ADCY2: variants seen among roughly 807,000 people sequenced by gnomAD.
The protein encoded by ADCY2 is adenylate cyclase type 2.
Under a neutral mutation model 125.2 loss-of-function variants are expected in ADCY2, and 31 were observed. The ratio of observed to expected loss-of-function variants is 0.25; its 90% CI spans 0.19 to 0.33. The LOEUF (loss-of-function observed/expected upper bound fraction) is 0.33. ADCY2 is among the 10% of genes least tolerant of loss of function. The pLI is 1.00. For synonymous variants in ADCY2, 512 were observed against 548.4 expected (o/e 0.93, Z 0.93); for missense variants, 904 against 1,418.2 (o/e 0.64, Z 5.82).
intron 2 of ADCY2, among the ~76,000 whole-genome samples, chr5:7,428,256 C>T (rs1023996058): frequency 3.3e-5 from 5 of 152,180 alleles, no homozygotes; most frequent in African/African-American, 1.2e-4. Context: ...CTCCAGCCAT[C>T]TGAAACACAG....
intron 4 of ADCY2, among the ~76,000 whole-genome samples, chr5:7,681,800 C>T (rs565918783): frequency 6.6e-6 from 1 of 152,122 alleles, no homozygotes; most frequent in Non-Finnish European, 1.5e-5. Context: ...AAAGGGGGGC[C>T]ATTGTCCCCA....
chr5:7,420,751 A>G (rs1740170919), intron 2 of ADCY2, among the ~76,000 whole-genome samples: 1 of 152,160 alleles, frequency 6.6e-6, no homozygotes. Context: ...CAGCATTTGC[A>G]TTTGACAGGG....
chr5:7,536,898 A>G (rs1160513571), intron 3 of ADCY2, among the ~76,000 whole-genome samples: 1 of 152,174 alleles, frequency 6.6e-6, no homozygotes, highest in Non-Finnish European at 1.5e-5. Context: ...GGGTGCAGGA[A>G]TAGTTTTTTT....
chr5:7,455,740 A>C (rs1741645413), intron 2 of ADCY2, among the ~76,000 whole-genome samples: 1 of 147,252 alleles, frequency 6.8e-6, no homozygotes, highest in Non-Finnish European at 1.5e-5. Context: ...TATGATATAC[A>C]GTATGTGTTA....
chr5:7,822,310 C>T (rs890276310), intron 24 of ADCY2, among the ~76,000 whole-genome samples: 4 of 152,176 alleles, frequency 2.6e-5, no homozygotes, highest in South Asian at 4.1e-4. Flanking sequence ...TAATTTTCAT[C>T]ATTGAACCCA....
intron 4 of ADCY2, among the ~76,000 whole-genome samples, chr5:7,670,569 C>CA (rs1231540707): frequency 6.6e-6 from 1 of 152,106 alleles, no homozygotes; most frequent in African/African-American, 2.4e-5. Context: ...GGAATATGTG[C>CA]ACACATGCAT....
chr5:7,408,765 CTT>C (rs1739600944), intron 1 of ADCY2, among the ~76,000 whole-genome samples: 1 of 152,174 alleles, frequency 6.6e-6, no homozygotes, highest in African/African-American at 2.4e-5. Flanking sequence ...GAAAGGAACA[CTT>C]TTACACTCTT....
chr5:7,454,216 A>G (rs1741581712), intron 2 of ADCY2, among the ~76,000 whole-genome samples: 1 of 152,190 alleles, frequency 6.6e-6, no homozygotes. Flanking sequence ...CAAAAAGTTT[A>G]TGACTTGCTC....
chr5:7,676,733 A>G (rs917662147), intron 4 of ADCY2, among the ~76,000 whole-genome samples: 2 of 152,174 alleles, frequency 1.3e-5, no homozygotes, highest in Non-Finnish European at 1.5e-5. Flanking sequence ...TATTCACCCT[A>G]TGTCCTCCTA....
rs10041933 is a variant in ADCY2 at position 7,658,774 on chromosome 5, A to G, written c.721-31917A>G. On this transcript the variant is annotated intron_variant, in intron 4 of 24. Transcript: ENST00000338316. ...AGGGGCTGGCAATTCCAAAACCTGC[A>G]GGGTGAACTTACATGCTGGACCGAG... Among the ~76,000 whole-genome samples the G allele has an allele frequency of 3.9e-3, 592 of 152,336 alleles. 1 individual carries two copies. The highest frequency in any genetic ancestry group is 0.013 in the African/African-American group (548 of 41,568).
At chr5:7,495,591 T>G (rs1743319856) in intron 2 of ADCY2, among the ~76,000 whole-genome samples, 1 of 152,230 alleles carries the variant, frequency 6.6e-6, no homozygotes, top group African/African-American at 2.4e-5. Context: ...TTGCTTTTAA[T>G]CTTGAGGAGA....
intron 2 of ADCY2, among the ~76,000 whole-genome samples, chr5:7,423,987 A>G (rs1333629822): frequency 6.6e-6 from 1 of 152,208 alleles, no homozygotes; most frequent in Non-Finnish European, 1.5e-5. Flanking sequence ...TATTTGGATA[A>G]TGGATACCCT....
intron 3 of ADCY2, among the ~76,000 whole-genome samples, chr5:7,625,596 T>A (rs1336211097): frequency 2.0e-5 from 3 of 152,196 alleles, no homozygotes; most frequent in Non-Finnish European, 2.9e-5. Flanking sequence ...TATTTCTACA[T>A]AAACAAAAGA....
chr5:7,470,722 G>A (rs1742304958), intron 2 of ADCY2, among the ~76,000 whole-genome samples: 1 of 150,764 alleles, frequency 6.6e-6, no homozygotes, highest in African/African-American at 2.4e-5. Context: ...CCTTCTATTG[G>A]TAATTAAAGA....
intron 17 of ADCY2, among the ~76,000 whole-genome samples, chr5:7,767,763 G>C (rs1324313395): frequency 1.3e-5 from 2 of 151,982 alleles, no homozygotes; most frequent in African/African-American, 4.8e-5. Context: ...AGGCGGGGTG[G>C]CTCACACCTG....
At chr5:7,517,689 G>A (rs1342419644) in intron 2 of ADCY2, among the ~76,000 whole-genome samples, 1 of 152,098 alleles carries the variant, frequency 6.6e-6, no homozygotes, top group Non-Finnish European at 1.5e-5. Context: ...ACTTAACAGG[G>A]ACTTCTGTAT....
At chr5:7,670,437 G>C (rs1013232425) in intron 4 of ADCY2, among the ~76,000 whole-genome samples, 1 of 152,134 alleles carries the variant, frequency 6.6e-6, no homozygotes, top group Non-Finnish European at 1.5e-5. Flanking sequence ...TTATTTTTGT[G>C]ACAAAATGTA....
intron 18 of ADCY2, among the ~76,000 whole-genome samples, chr5:7,775,435 G>A (rs1161681411): frequency 6.6e-6 from 1 of 151,768 alleles, no homozygotes; most frequent in African/African-American, 2.4e-5. Flanking sequence ...CTGTTGCCCA[G>A]GCTGGAGTAC....
chr5:7,479,656 C>A (rs955377344), intron 2 of ADCY2, among the ~76,000 whole-genome samples: 1 of 151,380 alleles, frequency 6.6e-6, no homozygotes, highest in Non-Finnish European at 1.5e-5. Flanking sequence ...ACTATAGTCA[C>A]CCTGTTGTGC....
Sources: gnomAD v4.1 joint callset for allele counts (sites outside exome capture counted in the v4.1 genomes callset) on GRCh38, gnomAD v4.1.1 for gene constraint, MANE v1.5 for transcripts, NCBI Gene and HGNC (gene_info 2026-07-23, HGNC 2026-07-21) for gene names.